KLC1: variants seen among roughly 807,000 people sequenced by gnomAD.
KLC1 encodes the protein kinesin light chain 1.
A neutral mutation model predicts 84.2 loss-of-function variants in KLC1; 30 were observed. The ratio of observed to expected loss-of-function variants is 0.36; its 90% CI spans 0.27 to 0.48. The LOEUF (loss-of-function observed/expected upper bound fraction) is 0.48, where lower values mean the gene tolerates loss of function less well. Among genes scored for constraint, KLC1 ranks in the 20% least tolerant of loss-of-function variants. The probability of loss-of-function intolerance (pLI) is 0.99; values close to 1 mark genes in which losing one functional copy is unlikely to be tolerated. For missense variants in KLC1, 499 were observed against 805.4 expected, an observed-to-expected ratio of 0.62 and a Z score of 4.60; for synonymous variants, 289 against 293.3, an observed-to-expected ratio of 0.99 and a Z score of 0.15.
intron 3 of KLC1, among the ~76,000 whole-genome samples, chr14:103,659,552 C>CT (rs2079114227): frequency 1.3e-5 from 2 of 152,180 alleles, no homozygotes; most frequent in Non-Finnish European, 2.9e-5. Context: ...ACTAGTATCT[C>CT]TTTTCTGTGC....
chr14:103,677,894 G>A (rs2081038875), intron 12 of KLC1, among the ~76,000 whole-genome samples: 1 of 152,036 alleles, frequency 6.6e-6, no homozygotes, highest in South Asian at 2.1e-4. Context: ...TTGAACCTGG[G>A]AGGTGGAGGC....
rs1230910403 is a variant in KLC1, at chr14:103,684,726, G to A, written c.1651-2355G>A. The A allele has an allele frequency of 2.0e-5, 9 of 457,822 alleles. No homozygotes were observed. The East Asian group carries it at 3.2e-4, about 17-fold the overall frequency. 28.4% of individuals were successfully genotyped at this position (457,822 alleles called of 1,614,324 possible). ...CATGAGTGAGCGTGTGTGCACGCGT[G>A]TGTGTGTGTGTCACATGAAATACTT... On this transcript the variant is annotated intron_variant, in intron 13 of 16. Transcript: ENST00000334553.
At chr14:103,679,819 T>C in intron 13 of KLC1, 1 of 375,992 alleles carries the variant, frequency 2.7e-6, no homozygotes, top group East Asian at 4.4e-5. Context: ...ATGATCCCTG[T>C]CTGGTTTCAT....
intron 5 of KLC1, among the ~76,000 whole-genome samples, chr14:103,664,575 T>C (rs1290230006): frequency 1.3e-5 from 2 of 152,106 alleles, no homozygotes; most frequent in Non-Finnish European, 2.9e-5. Flanking sequence ...TGCTCAGTGA[T>C]GCGATCATGG....
chr14:103,665,595 C>T (rs1053720447), intron 5 of KLC1, among the ~76,000 whole-genome samples: 23 of 151,928 alleles, frequency 1.5e-4, no homozygotes, highest in African/African-American at 5.3e-4. Context: ...CCACCAAGCC[C>T]CGCTAATTTT....
chr14:103,640,922 T>G (rs545803130), intron 1 of KLC1, among the ~76,000 whole-genome samples: 8 of 151,994 alleles, frequency 5.3e-5, no homozygotes, highest in African/African-American at 1.9e-4. Flanking sequence ...ACTATTATTA[T>G]TACTATTATT....
At position 103,640,267 on chromosome 14, in the gene KLC1, C is replaced by G. The variant is rs552990424; in HGVS notation, c.-2+10773C>G. Among the ~76,000 whole-genome samples, 130 of 152,068 alleles carry G rather than the reference C, an allele frequency of 8.5e-4. 1 individual carries two copies. Among genetic ancestry groups the G allele is most frequent in the Non-Finnish European group, 1.6e-3 (107 of 67,996 alleles). ...TAGAGACAGGGTTTCACCATGTTGACCAGGCTGGTCTCGATCTCCTGACTT... is the reference window on the plus strand; with the variant it reads ...TAGAGACAGGGTTTCACCATGTTGAGCAGGCTGGTCTCGATCTCCTGACTT... On this transcript the variant is annotated intron_variant, in intron 1 of 16. Coordinates refer to ENST00000334553, the MANE Select transcript of KLC1 (RefSeq NM_001394837.1).
chr14:103,668,164 T>C (rs1251003061), intron 5 of KLC1, among the ~76,000 whole-genome samples: 1 of 152,200 alleles, frequency 6.6e-6, no homozygotes, highest in Non-Finnish European at 1.5e-5. Context: ...CTGCGTGAGG[T>C]CACGTAATGC....
At chr14:103,671,408 C>G (rs545824103) in intron 7 of KLC1, among the ~76,000 whole-genome samples, 1 of 151,836 alleles carries the variant, frequency 6.6e-6, no homozygotes, top group Non-Finnish European at 1.5e-5. Flanking sequence ...CTTGCTGTGT[C>G]GCCCAGGCTG....
intron 1 of KLC1, among the ~76,000 whole-genome samples, chr14:103,652,222 A>C (rs1474804946): frequency 6.6e-6 from 1 of 152,238 alleles, no homozygotes; most frequent in Non-Finnish European, 1.5e-5. Context: ...AAAGATGTTC[A>C]GATCAACACT....
At chr14:103,662,570 G>T in intron 4 of KLC1, 132 bp from the exon 5 acceptor site, 1 of 710,898 alleles carries the variant, frequency 1.4e-6, no homozygotes. Flanking sequence ...GACAGTACTA[G>T]GAAAAGATTT....
chr14:103,650,081 C>T (rs771837788), intron 1 of KLC1, among the ~76,000 whole-genome samples: 21 of 151,064 alleles, frequency 1.4e-4, no homozygotes, highest in Non-Finnish European at 2.8e-4. Context: ...TTTGGTCTCA[C>T]GGAGTAAATA....
intron 1 of KLC1, 53 bp downstream of exon 1, chr14:103,629,547 C>G (rs1048744437): frequency 2.6e-5 from 4 of 152,510 alleles, no homozygotes; most frequent in South Asian, 2.1e-4. Flanking sequence ...TCCTCCGCCC[C>G]GTCCCTGTCC....
chr14:103,687,278 GCAGCCTTCCT>G, intron 14 of KLC1, 67 bp downstream of exon 14: 1 of 1,434,526 alleles, frequency 7.0e-7, no homozygotes, highest in Non-Finnish European at 9.4e-7. Context: ...TCTTCCTAGC[GCAGCCTTCCT>G]CACCCACAGA....
intron 9 of KLC1, 22 bp downstream of exon 9, chr14:103,673,453 C>G (rs2080583355): frequency 7.0e-7 from 1 of 1,423,030 alleles, no homozygotes; most frequent in Non-Finnish European, 9.7e-7. Flanking sequence ...ACTCCCGTTT[C>G]AAGTGAATTT....
chr14:103,693,728 C>G lies in KLC1; in HGVS notation c.1848+1303C>G. ...CAGCCGCACTCCTTGGCTTCCTTTC[C>G]TAGATAGTGACGTCCACCAACCTTG... On this transcript the variant is annotated intron_variant, in intron 15 of 16. Coordinates refer to ENST00000334553, the MANE Select transcript of KLC1 (RefSeq NM_001394837.1). This position sits in a 1 kb window ranked among gnomAD's most constrained non-coding sequence, Gnocchi z 5.1. 1 of 1,474,272 alleles carries G rather than the reference C, an allele frequency of 6.8e-7. No homozygotes were observed. The highest frequency in any genetic ancestry group is 9.0e-7 in the Non-Finnish European group (1 of 1,116,578). 91.3% of individuals were successfully genotyped at this position (1,474,272 alleles called of 1,614,324 possible). A position where few individuals can be genotyped will look rare whatever the true frequency, so the allele number is the denominator to read the frequency against.
chr14:103,691,094 C>T (rs1038332660), intron 14 of KLC1, among the ~76,000 whole-genome samples: 5 of 152,004 alleles, frequency 3.3e-5, no homozygotes, highest in Non-Finnish European at 7.4e-5. Context: ...CCCTGGAGCA[C>T]CCTCCCTGAA....
At chr14:103,687,341 C>A (rs927279700) in intron 14 of KLC1, 130 bp downstream of exon 14, 7 of 943,204 alleles carry the variant, frequency 7.4e-6, no homozygotes, top group African/African-American at 6.7e-5. Context: ...TTCTCACAAC[C>A]GAAGGGTTTC....
chr14:103,677,381 G>A (rs1237440094), intron 11 of KLC1, 34 bp from the exon 12 acceptor site: 47 of 1,277,574 alleles, frequency 3.7e-5, no homozygotes, highest in Non-Finnish European at 5.0e-5. Flanking sequence ...GAGCTTATAT[G>A]TCATAGTTCT....
Sources: gnomAD v4.1 joint callset for allele counts (sites outside exome capture counted in the v4.1 genomes callset) on GRCh38, gnomAD v4.1.1 for gene constraint, Gnocchi (gnomAD v3.1) non-coding constraint, MANE v1.5 for transcripts, NCBI Gene and HGNC (gene_info 2026-07-23, HGNC 2026-07-21) for gene names.